Variants in ACOT2 observed in about 807,000 individuals in gnomAD.
The protein encoded by ACOT2 is acyl-coenzyme A thioesterase 2, mitochondrial.
In ACOT2, 15 loss-of-function variants were observed where a neutral mutation model predicts 20.1. That is an observed-to-expected ratio of 0.75 (90% CI 0.50 to 1.15). The LOEUF (loss-of-function observed/expected upper bound fraction) is 1.15. Among genes scored for constraint, ACOT2 ranks in the 50% most tolerant of loss-of-function variants. The pLI is 0.00. For synonymous variants in ACOT2, 252 were observed against 268.4 expected (o/e 0.94, Z 0.60); for missense variants, 479 against 615.3 (o/e 0.78, Z 2.34).
Position 73,575,076 on chromosome 14 carries a change from G to A in ACOT2, c.1015G>A (p.Val339Ile), listed in dbSNP as rs1342714508. Reference protein sequence around the residue: ...YKGETLPPVGVNRNRIKVTKD... With the variant: ...YKGETLPPVGINRNRIKVTKD... The stretch of plus-strand genomic sequence containing the variant: ...GGGCGAGACCCTGCCCCCTGTGGGC[G>A]TCAACAGAAATCGCATCAAGGTGAC... The change falls in exon 3 of 3, where the codon GTC (valine) becomes ATC (isoleucine). Residue 339 changes from valine (V) to isoleucine (I), a missense_variant. This residue lies in a region of ACOT2 where 39 missense variants were observed against 108.0 expected (regional missense o/e 0.36). Coordinates refer to ENST00000238651, the MANE Select transcript of ACOT2 (RefSeq NM_006821.6). 18 of 1,490,234 alleles carry A rather than the reference G, an allele frequency of 1.2e-5. No individual in the cohort carries two copies. The highest frequency in any genetic ancestry group is 4.4e-5 in the African/African-American group (3 of 67,760). 92.3% of individuals were successfully genotyped at this position (1,490,234 alleles called of 1,614,324 possible).
At position 73,574,903 on chromosome 14, in the gene ACOT2, C is replaced by G. The variant is rs1889848733; in HGVS notation, c.847-5C>G. 6.2e-7 allele frequency: 1 copy of G among 1,613,104 alleles called. No homozygotes were observed. Among genetic ancestry groups the G allele is most frequent in the Non-Finnish European group, 8.5e-7 (1 of 1,179,390 alleles). On this transcript the variant is annotated splice_region_variant and splice_polypyrimidine_tract_variant and intron_variant, in intron 2 of 2. Coordinates refer to ENST00000238651, the MANE Select transcript of ACOT2 (RefSeq NM_006821.6). ...CTTCTTCTTTTTCCTTTGTCCCTTTCTCAGGTAAAAGGTCCAGGAGTTGGG... is the reference window on the plus strand; with the variant it reads ...CTTCTTCTTTTTCCTTTGTCCCTTTGTCAGGTAAAAGGTCCAGGAGTTGGG...
upstream of ACOT2, among the ~76,000 whole-genome samples, chr14:73,568,285 A>G (rs1245800691): frequency 6.6e-6 from 1 of 152,038 alleles, no homozygotes; most frequent in Non-Finnish European, 1.5e-5. Flanking sequence ...AGCTTTCTCT[A>G]ATTACACAGG....
In ACOT2 at chr14:73,573,598, C is replaced by G. The variant is rs767829545; in HGVS notation, c.846+8C>G. 12 of 1,613,502 alleles carry G rather than the reference C, an allele frequency of 7.4e-6. 1 individual carries two copies. Among genetic ancestry groups the G allele is most frequent in the South Asian group, 6.6e-5 (6 of 91,048 alleles). ...TTGCTCAGTCATCCCGAGGTTAGTT[C>G]TTCTTTCAGATTTATGGGCTATGAT... On this transcript the variant is annotated splice_region_variant and intron_variant, in intron 2 of 2. Transcript: ENST00000238651.
intron 2 of ACOT2, 32 bp from the exon 3 acceptor site, chr14:73,574,876 T>C: frequency 6.2e-7 from 1 of 1,612,868 alleles, no homozygotes; most frequent in Non-Finnish European, 8.5e-7. Context: ...TGTGGAATCA[T>C]TCTTCTTCTT....
upstream of ACOT2, among the ~76,000 whole-genome samples, chr14:73,568,699 T>C (rs533622208): frequency 4.6e-5 from 7 of 152,088 alleles, no homozygotes; most frequent in South Asian, 2.1e-4. Flanking sequence ...GCGGGCGGAT[T>C]ACAAAGTCAG....
At chr14:73,573,112 G>A (rs1368587292) in intron 1 of ACOT2, among the ~76,000 whole-genome samples, 1 of 151,808 alleles carries the variant, frequency 6.6e-6, no homozygotes, top group Middle Eastern at 3.4e-3. Context: ...CTTCTATGTA[G>A]CAGTCTTTCT....
At chr14:73,572,045 G>A (rs1417656886) in intron 1 of ACOT2, among the ~76,000 whole-genome samples, 134 of 150,826 alleles carry the variant, frequency 8.9e-4, no homozygotes, top group African/African-American at 3.2e-3. Context: ...GTATGTGGAG[G>A]AAATGAAACT....
intron 2 of ACOT2, among the ~76,000 whole-genome samples, chr14:73,574,579 G>C (rs1889840448): frequency 6.6e-6 from 1 of 152,000 alleles, no homozygotes; most frequent in African/African-American, 2.4e-5. Context: ...TGATGTACTT[G>C]TTGATGATGA....
rs1175293990 is a variant in ACOT2, at chr14:73,569,519, G to A, written c.279G>A (p.Pro93=). 5 of 1,608,740 alleles carry A rather than the reference G, an allele frequency of 3.1e-6. No individual in the cohort carries two copies. Among genetic ancestry groups the A allele is most frequent in the East Asian group, 2.2e-5 (1 of 44,798 alleles). ...IAVRGLAPEQ[P]VTLRASLRDE... ...TGCGCGGCCTAGCCCCGGAGCAGCC[G>A]GTCACGCTGCGCGCGTCCCTGCGCG... Residue 93 remains proline, a synonymous_variant, in exon 1 of 3, where the codon CCG becomes CCA. Coordinates refer to ENST00000238651, the MANE Select transcript of ACOT2 (RefSeq NM_006821.6).
chr14:73,572,679 G>A (rs1239782189), intron 1 of ACOT2, among the ~76,000 whole-genome samples: 7 of 133,266 alleles, frequency 5.3e-5, no homozygotes, highest in South Asian at 5.0e-4. Context: ...ACAGTGTCTC[G>A]CTCTTTCGCC....
At position 73,575,582 on chromosome 14, in the gene ACOT2, G is replaced by A; in HGVS notation, c.*69G>A. On this transcript the variant is annotated 3_prime_UTR_variant, in exon 3 of 3. Transcript: ENST00000238651. ...GAAACATCTGCCACATTTAGTGTGT[G>A]TATGTGTATTCATTCTTTTGTTTTT... is the stretch of plus-strand genomic sequence containing the variant. 2 of 1,555,634 alleles carry A rather than the reference G, an allele frequency of 1.3e-6. No individual in the cohort carries two copies. Among genetic ancestry groups the A allele is most frequent in the Non-Finnish European group, 1.7e-6 (2 of 1,154,618 alleles).
rs769270677 is a variant in ACOT2, at chr14:73,569,494, T to G, written c.254T>G (p.Val85Gly). ...CCWDEPVRIA[V>G]RGLAPEQPVT... ...TGGGACGAACCGGTGCGAATCGCCGTGCGCGGCCTAGCCCCGGAGCAGCCG... is the reference window on the plus strand; with the variant it reads ...TGGGACGAACCGGTGCGAATCGCCGGGCGCGGCCTAGCCCCGGAGCAGCCG... Residue 85 changes from valine to glycine, a missense_variant, in exon 1 of 3, where the codon GTG (valine) becomes GGG (glycine). Around this residue, in one of 4 missense-constraint regions of ACOT2, gnomAD observed 400 missense variants for 395.5 expected, o/e 1.01. Transcript: ENST00000238651. 3 of 1,611,976 alleles carry G rather than the reference T, an allele frequency of 1.9e-6. No homozygotes were observed. The highest frequency in any genetic ancestry group is 3.3e-5 in the Admixed American group (2 of 59,972).
At chr14:73,573,630 G>A (rs765652736) in intron 2 of ACOT2, 40 bp downstream of exon 2, 5 of 1,610,364 alleles carry the variant, frequency 3.1e-6, no homozygotes, top group Non-Finnish European at 3.4e-6. Flanking sequence ...TGATGTATCA[G>A]GTCTCTTCTT....
intron 1 of ACOT2, among the ~76,000 whole-genome samples, chr14:73,570,126 G>C (rs1486796997): frequency 7.2e-6 from 1 of 138,486 alleles, no homozygotes. Context: ...TTTTTTTTCC[G>C]TCCCTGCCCT....
In ACOT2 at chr14:73,572,587, C is replaced by T. The variant is rs201306935; in HGVS notation, c.644-801C>T. ...GGGTCTGTGGGACGTTGATGGTTTG[C>T]GGGTATCAGCACTGAACTATGTCTT... On this transcript the variant is annotated intron_variant, in intron 1 of 2. Transcript: ENST00000238651. Among the ~76,000 whole-genome samples the T allele has an allele frequency of 9.9e-3, 1,420 of 143,672 alleles. 19 individuals are homozygous for T. Among genetic ancestry groups the T allele is most frequent in the African/African-American group, 0.035 (1,358 of 39,280 alleles). 94.3% of individuals were successfully genotyped at this position (143,672 alleles called of 152,430 possible). A position where few individuals can be genotyped will look rare whatever the true frequency, so the allele number is the denominator to read the frequency against.
chr14:73,569,042 G>C, upstream of ACOT2: 1 of 673,034 alleles, frequency 1.5e-6, no homozygotes, highest in Admixed American at 3.0e-5. Flanking sequence ...CCATTCCGCA[G>C]GCCAGCAAGC....
chr14:73,571,207 GTCCC>G (rs1889738100), intron 1 of ACOT2: 1 of 152,418 alleles, frequency 6.6e-6, no homozygotes, highest in Non-Finnish European at 1.5e-5. Flanking sequence ...GAGCAGCCGC[GTCCC>G]TATGCATGGC....
chr14:73,570,949 CTTAT>C (rs1889726939), intron 1 of ACOT2, among the ~76,000 whole-genome samples: 2 of 144,238 alleles, frequency 1.4e-5, no homozygotes, highest in South Asian at 2.2e-4. Context: ...TTTTAATGTT[CTTAT>C]TTATGTATTG....
In ACOT2 at chr14:73,569,471, G is replaced by A; in HGVS notation, c.231G>A (p.Trp77Ter). ...LILEPAGRCC[W>*]DEPVRIAVRG... ...TGGAGCCTGCGGGCCGCTGCTGCTGGGACGAACCGGTGCGAATCGCCGTGC... is the reference window on the plus strand; with the variant it reads ...TGGAGCCTGCGGGCCGCTGCTGCTGAGACGAACCGGTGCGAATCGCCGTGC... The change falls in exon 1 of 3, where the codon TGG (tryptophan) becomes TGA (stop). Residue 77 changes from tryptophan to a stop codon, truncating the protein, a stop_gained. Coordinates refer to ENST00000238651, the MANE Select transcript of ACOT2 (RefSeq NM_006821.6). LOFTEE classifies it high-confidence loss of function. 6.2e-7 allele frequency: 1 copy of A among 1,613,254 alleles called. No homozygotes were observed.
Sources: gnomAD v4.1 joint callset for allele counts (sites outside exome capture counted in the v4.1 genomes callset) on GRCh38, gnomAD v4.1.1 for gene constraint, gnomAD v4.1.1 regional missense constraint, MANE v1.5 for transcripts, NCBI Gene and HGNC (gene_info 2026-07-23, HGNC 2026-07-21) for gene names.